GABBR2: variants seen among roughly 807,000 people sequenced by gnomAD.
GABBR2 encodes gamma-aminobutyric acid type B receptor subunit 2.
In GABBR2, 23 loss-of-function variants were observed where a neutral mutation model predicts 105.6. The observed-to-expected ratio is 0.22, with a 90% CI of 0.16 to 0.31. The LOEUF (loss-of-function observed/expected upper bound fraction) is 0.31. Ranked by LOEUF, GABBR2 falls within the 10% of genes least tolerant of loss-of-function variation. The pLI, the probability that GABBR2 is intolerant of heterozygous loss-of-function variation, is 1.00. For missense variants in GABBR2, 734 were observed against 1,245.5 expected, an observed-to-expected ratio of 0.59 and a Z score of 6.18; for synonymous variants, 478 against 499.7, an observed-to-expected ratio of 0.96 and a Z score of 0.58.
intron 1 of GABBR2, among the ~76,000 whole-genome samples, chr9:98,681,996 G>T (rs1830555322): frequency 6.6e-6 from 1 of 152,066 alleles, no homozygotes; most frequent in South Asian, 2.1e-4. Flanking sequence ...CCACTTTGGG[G>T]GGTGGAGACA....
At chr9:98,346,561 T>A (rs1160975990) in intron 13 of GABBR2, among the ~76,000 whole-genome samples, 1 of 152,242 alleles carries the variant, frequency 6.6e-6, no homozygotes, top group Non-Finnish European at 1.5e-5. Context: ...ACATTTATCA[T>A]TTCTTTATAT....
At position 98,306,209 on chromosome 9, in the gene GABBR2, C is replaced by A; in HGVS notation, c.2141G>T (p.Arg714Leu). Residue 714 changes from arginine (R) to leucine (L), a missense_variant, in exon 15 of 19, where the codon CGG becomes CTG. Physicochemically the swap from Arg to Leu is moderately radical, Grantham distance 102. Transcript: ENST00000259455. This position sits in a 1 kb window ranked among gnomAD's most constrained non-coding sequence, Gnocchi z 5.4. ...GCAGAACTGCACATTGGGCTGGTCC[C>A]GGGTCAGGAAGGAGACAGCGGCCCC... ...IIGAAVSFLT[R>L]DQPNVQFCIV... 6.2e-7 allele frequency: 1 copy of A among 1,614,094 alleles called. No individual in the cohort carries two copies. The highest frequency in any genetic ancestry group is 8.5e-7 in the Non-Finnish European group (1 of 1,179,998).
intron 11 of GABBR2, among the ~76,000 whole-genome samples, chr9:98,384,723 A>C (rs2131487454): frequency 6.6e-6 from 1 of 152,244 alleles, no homozygotes. Flanking sequence ...GACTTCATTA[A>C]ATATATATAT....
At chr9:98,426,034 A>T (rs1432548021) in intron 7 of GABBR2, among the ~76,000 whole-genome samples, 1 of 152,198 alleles carries the variant, frequency 6.6e-6, no homozygotes, top group Non-Finnish European at 1.5e-5. Flanking sequence ...AAATGAATGA[A>T]GAAACGGAGA....
intron 13 of GABBR2, among the ~76,000 whole-genome samples, chr9:98,337,530 C>A (rs554470121): frequency 6.6e-6 from 1 of 152,250 alleles, no homozygotes; most frequent in Non-Finnish European, 1.5e-5. Context: ...ATAGCTAAAA[C>A]AATCTTGCAA....
At chr9:98,482,782 G>C (rs1287904210) in intron 4 of GABBR2, among the ~76,000 whole-genome samples, 1 of 152,082 alleles carries the variant, frequency 6.6e-6, no homozygotes, top group Non-Finnish European at 1.5e-5. Flanking sequence ...CCCAGTGGTT[G>C]TCAATTCATC....
chr9:98,583,103 T>C (rs1194050058), intron 1 of GABBR2, among the ~76,000 whole-genome samples: 1 of 152,216 alleles, frequency 6.6e-6, no homozygotes, highest in Non-Finnish European at 1.5e-5. Flanking sequence ...ATCAGAGCTC[T>C]TGGCTAAAAG....
chr9:98,684,164 C>G (rs540997771), intron 1 of GABBR2, among the ~76,000 whole-genome samples: 1 of 9,564 alleles, frequency 1.0e-4, no homozygotes. Context: ...TGCATTTTAC[C>G]ACGGTAAAAA....
intron 7 of GABBR2, among the ~76,000 whole-genome samples, chr9:98,435,586 C>A (rs2131578897): frequency 6.6e-6 from 1 of 152,296 alleles, no homozygotes; most frequent in East Asian, 1.9e-4. Flanking sequence ...AGGTTGCTCC[C>A]TTGCTAGACA....
chr9:98,685,936 G>A (rs538338813), intron 1 of GABBR2, among the ~76,000 whole-genome samples: 7 of 152,058 alleles, frequency 4.6e-5, no homozygotes, highest in East Asian at 3.9e-4. Context: ...CAATCCTCCC[G>A]CCTTGGCCTC....
Position 98,297,118 on chromosome 9 carries a change from C to A in GABBR2, c.2542+2106G>T, listed in dbSNP as rs147869306. On this transcript the variant is annotated intron_variant, in intron 17 of 18. Coordinates refer to ENST00000259455, the MANE Select transcript of GABBR2 (RefSeq NM_005458.8). ...TCCTCCAGATGCCTACCCATTTATCCCAATGAAATTTATTGAATAATTCAT... is the reference window on the plus strand; with the variant it reads ...TCCTCCAGATGCCTACCCATTTATCACAATGAAATTTATTGAATAATTCAT... Among the ~76,000 whole-genome samples, 910 of 151,994 alleles carry A rather than the reference C, an allele frequency of 6.0e-3. 8 individuals are homozygous for A. Among genetic ancestry groups the A allele is most frequent in the African/African-American group, 0.02 (840 of 41,452 alleles).
chr9:98,613,447 G>GAA (rs5899347), intron 1 of GABBR2, among the ~76,000 whole-genome samples: 129 of 144,060 alleles, frequency 9.0e-4, no homozygotes, highest in South Asian at 1.8e-3. Context: ...CTCAGGGGAA[G>GAA]AAAAAAAAAA....
At chr9:98,375,552 C>T (rs1178601238) in intron 11 of GABBR2, among the ~76,000 whole-genome samples, 3 of 152,178 alleles carry the variant, frequency 2.0e-5, no homozygotes, top group African/African-American at 7.2e-5. Flanking sequence ...TTTAGGAGGT[C>T]ATGAACTCTT....
chr9:98,362,372 T>C (rs1449630707), intron 13 of GABBR2, among the ~76,000 whole-genome samples: 4 of 152,330 alleles, frequency 2.6e-5, no homozygotes, highest in Admixed American at 2.0e-4. Flanking sequence ...TACACACTAG[T>C]AGCACTTTTT....
chr9:98,405,798 A>C (rs983418763), intron 8 of GABBR2, among the ~76,000 whole-genome samples: 1 of 152,268 alleles, frequency 6.6e-6, no homozygotes, highest in South Asian at 2.1e-4. Flanking sequence ...TATTTGGTAC[A>C]GACGGAATCA....
intron 4 of GABBR2, among the ~76,000 whole-genome samples, chr9:98,485,491 CAT>C (rs1827024849): frequency 7.0e-6 from 1 of 143,722 alleles, no homozygotes; most frequent in Non-Finnish European, 1.5e-5. Flanking sequence ...GCTAAACACA[CAT>C]ACACACACGC....
intron 1 of GABBR2, among the ~76,000 whole-genome samples, chr9:98,603,066 T>A (rs1279325672): frequency 6.6e-6 from 1 of 152,224 alleles, no homozygotes; most frequent in East Asian, 1.9e-4. Context: ...AAGGGACTAC[T>A]GCTGGTATTC....
chr9:98,390,773 T>C (rs1055538675), intron 9 of GABBR2, among the ~76,000 whole-genome samples: 1 of 152,100 alleles, frequency 6.6e-6, no homozygotes, highest in African/African-American at 2.4e-5. Flanking sequence ...AGCCCTTCTA[T>C]GGACACTGAG....
At chr9:98,689,194 G>A (rs1646635464) in intron 1 of GABBR2, among the ~76,000 whole-genome samples, 1 of 152,164 alleles carries the variant, frequency 6.6e-6, no homozygotes, top group East Asian at 1.9e-4. Context: ...ATTTCTTGAG[G>A]TCCCTTTGGA....
Sources: gnomAD v4.1 joint callset for allele counts (sites outside exome capture counted in the v4.1 genomes callset) on GRCh38, gnomAD v4.1.1 for gene constraint, Gnocchi (gnomAD v3.1) non-coding constraint, MANE v1.5 for transcripts, NCBI Gene and HGNC (gene_info 2026-07-23, HGNC 2026-07-21) for gene names.